The following TANC1 variants were observed in gnomAD, a reference collection of about 807,000 sequenced individuals.
The protein encoded by TANC1 is protein TANC1.
A neutral mutation model predicts 149.7 loss-of-function variants in TANC1; 77 were observed. That is an observed-to-expected ratio of 0.51 (90% CI 0.43 to 0.62). The LOEUF is 0.62. Among genes scored for constraint, TANC1 ranks in the 20% least tolerant of loss-of-function variants. The pLI is 0.00. For missense variants in TANC1, 1,985 were observed against 2,321.8 expected, an observed-to-expected ratio of 0.85 and a Z score of 2.98; for synonymous variants, 854 against 925.0, an observed-to-expected ratio of 0.92 and a Z score of 1.39.
At chr2:159,052,070 C>T (rs2041517167) in intron 2 of TANC1, among the ~76,000 whole-genome samples, 1 of 152,104 alleles carries the variant, frequency 6.6e-6, no homozygotes, top group African/African-American at 2.4e-5. Flanking sequence ...CCTTGGGTAC[C>T]ACATTCATTA....
intron 3 of TANC1, among the ~76,000 whole-genome samples, chr2:159,096,682 G>A (rs980004237): frequency 2.0e-5 from 3 of 152,174 alleles, no homozygotes; most frequent in Admixed American, 1.3e-4. Flanking sequence ...AGGGGCATGA[G>A]CCAGAATGGC....
intron 2 of TANC1, 51 bp from the exon 3 acceptor site, chr2:159,065,845 T>A: frequency 1.4e-6 from 2 of 1,479,190 alleles, no homozygotes; most frequent in Non-Finnish European, 1.9e-6. Flanking sequence ...ACAAGTTATA[T>A]TCCAACTTTC....
chr2:159,217,728 CT>C (rs2059437888), intron 20 of TANC1, 98 bp downstream of exon 20: 1 of 1,450,952 alleles, frequency 6.9e-7, no homozygotes, highest in Non-Finnish European at 9.4e-7. Flanking sequence ...TCCCCTGAGC[CT>C]GTCTGTTCCC....
At chr2:159,139,737 C>T (rs1194623368) in intron 5 of TANC1, among the ~76,000 whole-genome samples, 7 of 140,776 alleles carry the variant, frequency 5.0e-5, no homozygotes, top group South Asian at 2.1e-4. Flanking sequence ...CAGTCAGTGA[C>T]GAAACTTTTT....
intron 1 of TANC1, among the ~76,000 whole-genome samples, chr2:158,977,317 A>T (rs1025494194): frequency 2.6e-5 from 4 of 151,212 alleles, no homozygotes; most frequent in Admixed American, 1.3e-4. Flanking sequence ...ATTAAAAAAA[A>T]ATTTTTTTTT....
At chr2:159,007,773 G>T (rs573952490) in intron 2 of TANC1, among the ~76,000 whole-genome samples, 11 of 152,316 alleles carry the variant, frequency 7.2e-5, no homozygotes, top group African/African-American at 2.4e-4. Context: ...GAGAGGAGAT[G>T]AAATCCCTGG....
intron 19 of TANC1, among the ~76,000 whole-genome samples, chr2:159,208,364 GATCAC>G (rs2150827325): frequency 6.6e-6 from 1 of 152,316 alleles, no homozygotes; most frequent in African/African-American, 2.4e-5. Context: ...AAGGAATTTT[GATCAC>G]ACACATGAAG....
rs145259154 is a variant in TANC1, at chr2:159,203,644, C to T, written c.3244+4591C>T. Among the ~76,000 whole-genome samples the T allele has an allele frequency of 2.4e-3, 366 of 152,312 alleles. 1 individual carries two copies. The highest frequency in any genetic ancestry group is 8.5e-3 in the African/African-American group (355 of 41,566). Reference sequence around the variant, plus strand: ...GCAGTGGCACAATCACAGTTCACTGCAGCATCTGCCTCCCCACACTCAGGT... The same window carrying T: ...GCAGTGGCACAATCACAGTTCACTGTAGCATCTGCCTCCCCACACTCAGGT... On this transcript the variant is annotated intron_variant, in intron 19 of 26. Coordinates refer to ENST00000263635, the MANE Select transcript of TANC1 (RefSeq NM_033394.3).
chr2:159,149,061 C>A, intron 5 of TANC1, 81 bp from the exon 6 acceptor site: 1 of 1,449,938 alleles, frequency 6.9e-7, no homozygotes, highest in Non-Finnish European at 9.3e-7. Flanking sequence ...CCAGACAAAG[C>A]AGCTGTAGTG....
intron 3 of TANC1, among the ~76,000 whole-genome samples, chr2:159,076,268 C>T (rs1171969416): frequency 6.6e-6 from 1 of 152,114 alleles, no homozygotes; most frequent in East Asian, 1.9e-4. Context: ...TTACTGAAGT[C>T]GCTGATGGTG....
chr2:159,023,539 G>A (rs893980664), intron 2 of TANC1, among the ~76,000 whole-genome samples: 6 of 151,010 alleles, frequency 4.0e-5, no homozygotes, highest in African/African-American at 1.2e-4. Flanking sequence ...ACAGGATCTC[G>A]CCATTCTGCC....
chr2:159,149,021 G>T (rs1256568579), intron 5 of TANC1, 121 bp from the exon 6 acceptor site: 7 of 1,181,302 alleles, frequency 5.9e-6, no homozygotes, highest in Non-Finnish European at 8.3e-6. Flanking sequence ...GTCCAACTTT[G>T]TGCGCATTTT....
chr2:158,986,765 GCTT>G (rs1188355657), intron 1 of TANC1, among the ~76,000 whole-genome samples: 2 of 152,286 alleles, frequency 1.3e-5, no homozygotes, highest in East Asian at 3.9e-4. Flanking sequence ...TGAGAAAATT[GCTT>G]GTTTTTAGGA....
chr2:159,219,397 C>T (rs148005014), intron 21 of TANC1, 36 bp downstream of exon 21: 35 of 1,613,252 alleles, frequency 2.2e-5, no homozygotes, highest in East Asian at 6.7e-5. Context: ...TTCTTTTGGA[C>T]GGACACAGAG....
chr2:158,993,098 A>G (rs1004112159), intron 1 of TANC1, among the ~76,000 whole-genome samples: 1 of 152,202 alleles, frequency 6.6e-6, no homozygotes, highest in Non-Finnish European at 1.5e-5. Context: ...TCTGGGCTTT[A>G]TAACAGCGTT....
intron 2 of TANC1, among the ~76,000 whole-genome samples, chr2:159,031,467 G>A (rs924914285): frequency 1.3e-5 from 2 of 152,224 alleles, no homozygotes; most frequent in African/African-American, 4.8e-5. Context: ...TCAATCATGA[G>A]CTTGAAAACT....
At chr2:159,133,841 A>C (rs757749378) in intron 4 of TANC1, among the ~76,000 whole-genome samples, 21 of 152,218 alleles carry the variant, frequency 1.4e-4, no homozygotes, top group Non-Finnish European at 2.6e-4. Context: ...TGGTTCCTGA[A>C]GTTTGAAATA....
At chr2:159,054,047 G>C (rs2041666461) in intron 2 of TANC1, among the ~76,000 whole-genome samples, 1 of 152,204 alleles carries the variant, frequency 6.6e-6, no homozygotes, top group Non-Finnish European at 1.5e-5. Context: ...GTGTGTGTGA[G>C]CCGTGTGTAT....
chr2:159,151,216 G>A (rs5007706), intron 7 of TANC1, among the ~76,000 whole-genome samples: 4,400 of 152,354 alleles, frequency 0.029, 86 homozygotes, highest in Non-Finnish European at 0.046. Context: ...GATTAATCCA[G>A]TAGTTTTCAG....
Sources: gnomAD v4.1 joint callset for allele counts (sites outside exome capture counted in the v4.1 genomes callset) on GRCh38, gnomAD v4.1.1 for gene constraint, MANE v1.5 for transcripts, NCBI Gene and HGNC (gene_info 2026-07-23, HGNC 2026-07-21) for gene names.